Variants in MYOM2 observed in about 807,000 individuals in gnomAD.
The protein encoded by MYOM2 is myomesin-2.
Under a neutral mutation model 187.6 loss-of-function variants are expected in MYOM2, and 254 were observed. The observed-to-expected ratio is 1.35, with a 90% CI of 1.22 to 1.50. The LOEUF is 1.50. Ranked by LOEUF, MYOM2 falls within the 40% of genes most tolerant of loss-of-function variation. The probability of loss-of-function intolerance (pLI) is 0.00; values close to 1 mark genes in which losing one functional copy is unlikely to be tolerated. For missense variants in MYOM2, 2,796 were observed against 1,924.0 expected, an observed-to-expected ratio of 1.45 and a Z score of -8.48; for synonymous variants, 981 against 753.8, an observed-to-expected ratio of 1.30 and a Z score of -4.94.
chr8:2,139,150 A>G (rs946188880), intron 32 of MYOM2, among the ~76,000 whole-genome samples: 2 of 151,822 alleles, frequency 1.3e-5, no homozygotes, highest in Admixed American at 6.6e-5. Flanking sequence ...TTTTACATAT[A>G]TACTTTTTGA....
rs368569606 is a variant in MYOM2 at position 2,117,963 on chromosome 8, C to T, written c.3453+11C>T. 37 of 1,609,642 alleles carry T rather than the reference C, an allele frequency of 2.3e-5. No homozygotes were observed. The African/African-American group carries it at 2.5e-4, about 11-fold the overall frequency. ...CGACTTGTTTGCAAGGTGAGAAACC[C>T]GGTTCTAACAGGAAAACAATAAATC... On this transcript the variant is annotated intron_variant, in intron 28 of 36. Transcript: ENST00000262113.
At chr8:2,050,180 T>A (rs1818435762) in intron 1 of MYOM2, among the ~76,000 whole-genome samples, 1 of 152,148 alleles carries the variant, frequency 6.6e-6, no homozygotes, top group Non-Finnish European at 1.5e-5. Flanking sequence ...AAGTCTCCCA[T>A]GATCCTGGAT....
At position 2,079,561 on chromosome 8, in the gene MYOM2, C is replaced by A. The variant is rs376844864; in HGVS notation, c.1464C>A (p.Ala488=). 5 of 1,614,016 alleles carry A rather than the reference C, an allele frequency of 3.1e-6. No homozygotes were observed. The East Asian group carries it at 6.7e-5, about 22-fold the overall frequency. Residue 488 remains alanine, a splice_region_variant and synonymous_variant, in exon 13 of 37, where the codon GCC becomes GCA. Coordinates refer to ENST00000262113, the MANE Select transcript of MYOM2 (RefSeq NM_003970.4). ...GAGTGTCAACCTTTCTCTCCGCAGC[C>A]GTTCATTTGGAGGGAGAGAAGGAGA... is the stretch of plus-strand genomic sequence containing the variant. ...LDPLDLRRLQ[A]VHLEGEKEIA... is the part of the protein sequence containing the mutation.
Position 2,115,976 on chromosome 8 carries a change from G to A in MYOM2, c.3197G>A (p.Cys1066Tyr), listed in dbSNP as rs764237920. 6.2e-7 allele frequency: 1 copy of A among 1,613,472 alleles called. No individual in the cohort carries two copies. The highest frequency in any genetic ancestry group is 8.5e-7 in the Non-Finnish European group (1 of 1,179,918). The change falls in exon 26 of 37, where the codon TGT becomes TAT. Residue 1066 changes from cysteine to tyrosine, a missense_variant. Physicochemically the swap from Cys to Tyr is radical, Grantham distance 194. Coordinates refer to ENST00000262113, the MANE Select transcript of MYOM2 (RefSeq NM_003970.4). Reference protein sequence around the residue: ...VSDSEIHRIKCDKATGIIEMV... With the variant: ...VSDSEIHRIKYDKATGIIEMV... ...TGCTTGCAGATACACAGAATTAAATGTGACAAAGCTACTGGCATTATTGAG... is the reference window on the plus strand; with the variant it reads ...TGCTTGCAGATACACAGAATTAAATATGACAAAGCTACTGGCATTATTGAG...
At chr8:2,106,151 A>G in intron 21 of MYOM2, 91 bp from the exon 22 acceptor site, 1 of 1,291,566 alleles carries the variant, frequency 7.7e-7, no homozygotes, top group African/African-American at 1.5e-5. Flanking sequence ...TTGGGTGTGG[A>G]CGCGGAGCCA....
chr8:2,073,956 G>T (rs1033519703), intron 10 of MYOM2, among the ~76,000 whole-genome samples: 9 of 152,146 alleles, frequency 5.9e-5, no homozygotes, highest in African/African-American at 1.7e-4. Flanking sequence ...GACAGCCAGT[G>T]CTGTGACCTC....
chr8:2,046,871 C>G (rs1818328775), intron 1 of MYOM2, among the ~76,000 whole-genome samples: 1 of 151,696 alleles, frequency 6.6e-6, no homozygotes, highest in South Asian at 2.1e-4. Context: ...GCTGATCGGC[C>G]CAGGTCCTGT....
intron 14 of MYOM2, among the ~76,000 whole-genome samples, chr8:2,086,488 T>TGGCCTCCCACTGTTGTGATCTCCGC (rs1796073499): frequency 1.1e-3 from 67 of 60,954 alleles, no homozygotes; most frequent in East Asian, 1.8e-3. Flanking sequence ...ATGATCTCTG[T>TGGCCTCCCACTGTTGTGATCTCCGC]GTGGCCCCCC....
At chr8:2,074,945 C>T (rs1819367148) in intron 10 of MYOM2, among the ~76,000 whole-genome samples, 1 of 152,246 alleles carries the variant, frequency 6.6e-6, no homozygotes, top group Admixed American at 6.5e-5. Context: ...CCGGCTCCAT[C>T]CCGATCAGCC....
Position 2,096,311 on chromosome 8 carries a change from C to G in MYOM2, c.2190C>G (p.Gly730=), listed in dbSNP as rs753060921. 4 of 1,614,100 alleles carry G rather than the reference C, an allele frequency of 2.5e-6. No homozygotes were observed. The highest frequency in any genetic ancestry group is 3.4e-6 in the Non-Finnish European group (4 of 1,180,048). The change falls in exon 18 of 37, where the codon GGC becomes GGG. Residue 730 remains glycine, a synonymous_variant. Coordinates refer to ENST00000262113, the MANE Select transcript of MYOM2 (RefSeq NM_003970.4). ...LNCDGHSMTL[G]WKVPKFSGGS... is the part of the protein sequence containing the mutation. Reference sequence around the variant, plus strand: ...GTGACGGCCACTCCATGACCCTCGGCTGGAAGGTCCCGAAATTCAGTGGTG... The same window carrying G: ...GTGACGGCCACTCCATGACCCTCGGGTGGAAGGTCCCGAAATTCAGTGGTG...
At chr8:2,046,840 A>C (rs1818327721) in intron 1 of MYOM2, among the ~76,000 whole-genome samples, 1 of 150,910 alleles carries the variant, frequency 6.6e-6, no homozygotes, top group Non-Finnish European at 1.5e-5. Flanking sequence ...TTCTATGTAG[A>C]CAGTAGAGGG....
chr8:2,108,651 T>A, intron 23 of MYOM2, 135 bp from the exon 24 acceptor site: 1 of 828,242 alleles, frequency 1.2e-6, no homozygotes, highest in Non-Finnish European at 2.0e-6. Flanking sequence ...CTCAGACTTG[T>A]AGTTTAAATT....
rs1360158578 is a variant in MYOM2, at chr8:2,050,867, CA to C, written c.107del (p.Lys36SerfsTer13). The C allele has an allele frequency of 1.2e-6, 2 of 1,608,174 alleles. No homozygotes were observed. Among genetic ancestry groups the C allele is most frequent in the Non-Finnish European group, 1.7e-6 (2 of 1,175,026 alleles). On this transcript the variant is annotated frameshift_variant, in exon 2 of 37. Coordinates refer to ENST00000262113, the MANE Select transcript of MYOM2 (RefSeq NM_003970.4). LOFTEE classifies it high-confidence loss of function. ...QTRYLLDEYASKKRASTQASS... is the reference protein window; with the variant it reads ...QTRYLLDEYAXKKRASTQASS... ...CGGTACCTGCTGGACGAATATGCGT[CA>C]AAAAAGTAAGCTGACATTCGCTGAT...
chr8:2,106,091 C>G (rs2116800034), intron 21 of MYOM2, 151 bp from the exon 22 acceptor site: 3 of 746,016 alleles, frequency 4.0e-6, no homozygotes, highest in African/African-American at 1.7e-5. Context: ...CCCCCGTGAT[C>G]CAATCACCTC....
At chr8:2,088,746 T>C (rs1018905698) in intron 14 of MYOM2, among the ~76,000 whole-genome samples, 2 of 152,226 alleles carry the variant, frequency 1.3e-5, no homozygotes, top group African/African-American at 2.4e-5. Context: ...CATCTTCTGG[T>C]AGAATGGTTT....
At chr8:2,106,738 C>T in intron 23 of MYOM2, 141 bp downstream of exon 23, 1 of 605,764 alleles carries the variant, frequency 1.7e-6, no homozygotes, top group Admixed American at 3.0e-5. Context: ...TGTATATAAG[C>T]CAAAACTTGC....
At chr8:2,057,532 G>C in intron 4 of MYOM2, 46 bp downstream of exon 4, 1 of 1,613,366 alleles carries the variant, frequency 6.2e-7, no homozygotes, top group Non-Finnish European at 8.5e-7. Flanking sequence ...GCGTGGACTA[G>C]ATCTTAGCTT....
At chr8:2,095,179 A>G (rs1251181879) in intron 17 of MYOM2, among the ~76,000 whole-genome samples, 2 of 152,182 alleles carry the variant, frequency 1.3e-5, no homozygotes, top group East Asian at 1.9e-4. Context: ...GCTAGGTACA[A>G]TAGCGCTGAC....
In MYOM2 at chr8:2,108,651, T is replaced by C. The variant is rs1299171500; in HGVS notation, c.2999-135T>C. ...CTATCCTCTATGTCCCTCAGACTTG[T>C]AGTTTAAATTCCTTTCGTGTCCTCC... is the stretch of plus-strand genomic sequence containing the variant. On this transcript the variant is annotated intron_variant, in intron 23 of 36. Coordinates refer to ENST00000262113, the MANE Select transcript of MYOM2 (RefSeq NM_003970.4). The C allele has an allele frequency of 2.1e-5, 17 of 828,124 alleles. No homozygotes were observed. In the South Asian group the frequency reaches 2.2e-4, roughly 11 times the overall value. 51.3% of individuals were successfully genotyped at this position (828,124 alleles called of 1,614,324 possible).
Sources: allele counts gnomAD v4.1 joint callset (sites outside exome capture counted in the v4.1 genomes callset), GRCh38; gene constraint gnomAD v4.1.1; transcripts MANE v1.5; gene names NCBI Gene and HGNC (gene_info 2026-07-23, HGNC 2026-07-21).